Variants in LRP1 observed in about 807,000 individuals in gnomAD.
LRP1 encodes the protein LDL receptor related protein 1.
LRP1 carries 51 observed loss-of-function variants against 541.5 expected under a neutral mutation model. The ratio of observed to expected loss-of-function variants is 0.09; its 90% CI spans 0.08 to 0.12. The LOEUF is 0.12. LRP1 is among the 10% of genes least tolerant of loss of function. The pLI is 1.00. For synonymous variants in LRP1, 2,219 were observed against 2,470.8 expected, an observed-to-expected ratio of 0.90 and a Z score of 3.02; for missense variants, 3,878 against 6,376.2, an observed-to-expected ratio of 0.61 and a Z score of 13.34.
At chr12:57,136,389 C>T (rs1295450845) in intron 1 of LRP1, among the ~76,000 whole-genome samples, 1 of 114,798 alleles carries the variant, frequency 8.7e-6, no homozygotes, top group African/African-American at 3.2e-5. Context: ...TCCCTCCCTC[C>T]TAAGAGCCCC....
chr12:57,163,504 C>T (rs549630842), intron 15 of LRP1, among the ~76,000 whole-genome samples: 10 of 150,850 alleles, frequency 6.6e-5, no homozygotes, highest in African/African-American at 1.5e-4. Context: ...ACTTGAAGCC[C>T]GGAGGCAAAG....
At chr12:57,169,935 AC>A (rs903315484) in intron 20 of LRP1, among the ~76,000 whole-genome samples, 1 of 152,174 alleles carries the variant, frequency 6.6e-6, no homozygotes, top group Non-Finnish European at 1.5e-5. Flanking sequence ...TTATGTGAAA[AC>A]TACCAAATTT....
In LRP1 at chr12:57,193,579, CA is replaced by C; in HGVS notation, c.7700del (p.Lys2567ArgfsTer71). 1 of 1,614,110 alleles carries C rather than the reference CA, an allele frequency of 6.2e-7. No homozygotes were observed. The highest frequency in any genetic ancestry group is 8.5e-7 in the Non-Finnish European group (1 of 1,180,006). ...CTCCATTTGCAGACTCCCGCCGCTG[CA>C]AGAAGACTTTCCGGCAGTGCAGCAA... ...KPSYCNSRRC[K>X]KTFRQCSNGR... On this transcript the variant is annotated frameshift_variant, in exon 47 of 89. Transcript: ENST00000243077. LOFTEE classifies it high-confidence loss of function.
Position 57,212,433 on chromosome 12 carries a change from C to G in LRP1, c.13513C>G (p.Pro4505Ala). 6.2e-7 allele frequency: 1 copy of G among 1,614,130 alleles called. No individual in the cohort carries two copies. The stretch of plus-strand genomic sequence containing the variant: ...CCTGCAGCCCACCAACTTCACCAAC[C>G]CCGTGTATGCCACACTCTACATGGG... Reference protein sequence around the residue: ...DPDKPTNFTNPVYATLYMGGH... With the variant: ...DPDKPTNFTNAVYATLYMGGH... The change falls in exon 89 of 89, where the codon CCC becomes GCC. Residue 4505 changes from proline to alanine, a missense_variant. Physicochemically the swap from Pro to Ala is conservative, Grantham distance 27 (BLOSUM62 -1). Transcript: ENST00000243077. The surrounding 1 kb of genome is among the most constrained non-coding windows in gnomAD (Gnocchi z 5.0).
chr12:57,204,689 A>G lies in LRP1; in HGVS notation c.11134A>G (p.Ile3712Val). ...CAAGAATGACCGCGTCTGTCTGTGGATCGGGCGCCAATGCGATGGCACGGA... is the reference window on the plus strand; with the variant it reads ...CAAGAATGACCGCGTCTGTCTGTGGGTCGGGCGCCAATGCGATGGCACGGA... ...RCKNDRVCLWIGRQCDGTDNC... is the reference protein window; with the variant it reads ...RCKNDRVCLWVGRQCDGTDNC... The change falls in exon 72 of 89, where the codon ATC becomes GTC. Residue 3712 changes from isoleucine (I) to valine (V), a missense_variant. Coordinates refer to ENST00000243077, the MANE Select transcript of LRP1 (RefSeq NM_002332.3). The surrounding 1 kb of genome is among the most constrained non-coding windows in gnomAD (Gnocchi z 5.3). 1 of 1,613,978 alleles carries G rather than the reference A, an allele frequency of 6.2e-7. No individual in the cohort carries two copies. The highest frequency in any genetic ancestry group is 2.2e-5 in the East Asian group (1 of 44,874).
intron 2 of LRP1, 92 bp from the exon 3 acceptor site, chr12:57,141,282 C>A: frequency 6.7e-7 from 1 of 1,491,670 alleles, no homozygotes. Flanking sequence ...GATCTGAAAC[C>A]CCAGTTTTAT....
Position 57,212,531 on chromosome 12 carries a change from C to A in LRP1, c.13611C>A (p.Asp4537Glu). Residue 4537 changes from aspartate to glutamate, a missense_variant, in exon 89 of 89, where the codon GAC (aspartate) becomes GAA (glutamate). Physicochemically the swap from Asp to Glu is conservative, Grantham distance 45. Coordinates refer to ENST00000243077, the MANE Select transcript of LRP1 (RefSeq NM_002332.3). The surrounding 1 kb of genome is among the most constrained non-coding windows in gnomAD (Gnocchi z 5.0). ...KRELLGRGPE[D>E]EIGDPLA The stretch of plus-strand genomic sequence containing the variant: ...AACTCCTGGGCCGGGGCCCTGAGGA[C>A]GAGATAGGGGACCCCTTGGCATAGG... 6.2e-7 allele frequency: 1 copy of A among 1,612,272 alleles called. No individual in the cohort carries two copies. Among genetic ancestry groups the A allele is most frequent in the Admixed American group, 1.7e-5 (1 of 59,846 alleles).
In LRP1 at chr12:57,195,459, G is replaced by A. The variant is rs924400006; in HGVS notation, c.8437+60G>A. On this transcript the variant is annotated intron_variant, in intron 52 of 88. Coordinates refer to ENST00000243077, the MANE Select transcript of LRP1 (RefSeq NM_002332.3). Reference sequence around the variant, plus strand: ...CAAATGGCCACAGTCTCACTTTGCAGATGGGGAAGCCGGGGTGCAGGAGAG... The same window carrying A: ...CAAATGGCCACAGTCTCACTTTGCAAATGGGGAAGCCGGGGTGCAGGAGAG... 12 of 1,590,444 alleles carry A rather than the reference G, an allele frequency of 7.5e-6. No individual in the cohort carries two copies. The South Asian group carries it at 1.3e-4, about 18-fold the overall frequency.
chr12:57,148,353 T>C (rs1235693946), intron 6 of LRP1, among the ~76,000 whole-genome samples: 1 of 152,078 alleles, frequency 6.6e-6, no homozygotes, highest in East Asian at 1.9e-4. Context: ...ATTTTGAAAG[T>C]GATACACAAA....
At position 57,145,235 on chromosome 12, in the gene LRP1, G is replaced by C. The variant is rs773826305; in HGVS notation, c.586G>C (p.Asp196His). ...CTCTTCCCCATTCCCAGAGCCAGTA[G>C]ACCGGCCCCCTGTGCTGTTGATAGC... ...RSCKAKNEPV[D>H]RPPVLLIANS... Residue 196 changes from aspartate to histidine, a missense_variant, in exon 6 of 89, where the codon GAC (aspartate) becomes CAC (histidine). Physicochemically the swap from Asp to His is moderately conservative, Grantham distance 81 (BLOSUM62 -1). Coordinates refer to ENST00000243077, the MANE Select transcript of LRP1 (RefSeq NM_002332.3). 1.2e-6 allele frequency: 2 copies of C among 1,614,110 alleles called. No homozygotes were observed.
intron 6 of LRP1, chr12:57,149,101 G>T (rs2035475777): frequency 3.9e-6 from 2 of 515,586 alleles, no homozygotes; most frequent in Non-Finnish European, 6.9e-6. Flanking sequence ...GCTGGAAGGG[G>T]TGCTACCTCC....
intron 8 of LRP1, chr12:57,155,331 T>C (rs1440736257): frequency 6.1e-6 from 1 of 163,534 alleles, no homozygotes; most frequent in African/African-American, 2.4e-5. Context: ...AAGAATGTCC[T>C]CTGTGGACAG....
At chr12:57,174,127 G>T in intron 22 of LRP1, 147 bp downstream of exon 22, 1 of 780,220 alleles carries the variant, frequency 1.3e-6, no homozygotes, top group Non-Finnish European at 2.1e-6. Context: ...CCAGCAGCCT[G>T]TGTGGACCTG....
At chr12:57,191,098 CATG>C (rs992531062) in intron 43 of LRP1, 89 bp downstream of exon 43, 5 of 1,387,282 alleles carry the variant, frequency 3.6e-6, no homozygotes, top group African/African-American at 2.9e-5. Context: ...CAGGCACAGA[CATG>C]GTGGGAACAG....
chr12:57,156,104 T>C lies in LRP1; in HGVS notation c.1238T>C (p.Leu413Pro). Reference protein sequence around the residue: ...TIIQGILIEHLYGLTVFENYL... With the variant: ...TIIQGILIEHPYGLTVFENYL... ...GCCTGCCCGTCTCAGATTGAGCACC[T>C]GTACGGCCTGACTGTGTTTGAGAAT... The change falls in exon 9 of 89, where the codon CTG becomes CCG. Residue 413 changes from leucine to proline, a missense_variant. By Grantham distance (98) the Leu-to-Pro change is moderately conservative (BLOSUM62 -3). Transcript: ENST00000243077. The surrounding 1 kb of genome is among the most constrained non-coding windows in gnomAD (Gnocchi z 5.2). The C allele has an allele frequency of 2.5e-6, 4 of 1,614,040 alleles. No homozygotes were observed. Among genetic ancestry groups the C allele is most frequent in the Non-Finnish European group, 3.4e-6 (4 of 1,179,954 alleles).
intron 46 of LRP1, 49 bp downstream of exon 46, chr12:57,193,353 T>TCCACCTCCCCCAGGC (rs1179227001): frequency 6.3e-7 from 1 of 1,599,850 alleles, no homozygotes. Context: ...AGAGCCCAGG[T>TCCACCTCCCCCAGGC]CCTCCTCCCC....
At chr12:57,210,918 G>A (rs754310143) in intron 83 of LRP1, 39 bp downstream of exon 83, 4 of 1,589,436 alleles carry the variant, frequency 2.5e-6, no homozygotes, top group East Asian at 2.3e-5. Context: ...CATGCGGGAG[G>A]GTGACGGGGG....
rs1431635017 is a variant in LRP1 at position 57,200,044 on chromosome 12, C to T, written c.10014+19C>T. ...TAGCCAGGTGAGGCTGTCCCCCAGACCCCATCACCAGTGCCCGCTCCCCAA... is the reference window on the plus strand; with the variant it reads ...TAGCCAGGTGAGGCTGTCCCCCAGATCCCATCACCAGTGCCCGCTCCCCAA... On this transcript the variant is annotated intron_variant, in intron 62 of 88. Transcript: ENST00000243077. 10 of 1,580,034 alleles carry T rather than the reference C, an allele frequency of 6.3e-6. No homozygotes were observed. The highest frequency in any genetic ancestry group is 8.6e-6 in the Non-Finnish European group (10 of 1,168,212).
rs1245053258 is a variant in LRP1 at position 57,185,293 on chromosome 12, C to T, written c.6463+88C>T. The T allele has an allele frequency of 6.4e-7, 1 of 1,554,414 alleles. No individual in the cohort carries two copies. The highest frequency in any genetic ancestry group is 8.7e-7 in the Non-Finnish European group (1 of 1,142,916). ...CCCCAGGGAACCCAGTGTGAGAGGG[C>T]TGGGAGACAAGTTAGACCCATGGGG... is the stretch of plus-strand genomic sequence containing the variant. On this transcript the variant is annotated intron_variant, in intron 40 of 88. Transcript: ENST00000243077. This position sits in a 1 kb window ranked among gnomAD's most constrained non-coding sequence, Gnocchi z 4.9.
Sources: allele counts gnomAD v4.1 joint callset (sites outside exome capture counted in the v4.1 genomes callset), GRCh38; gene constraint gnomAD v4.1.1; non-coding constraint Gnocchi (gnomAD v3.1); transcripts MANE v1.5; gene names NCBI Gene and HGNC (gene_info 2026-07-23, HGNC 2026-07-21).